SNHG17: variants seen among roughly 807,000 people sequenced by gnomAD.
The protein encoded by SNHG17 is small nucleolar RNA host gene 17, also known as small nucleolar RNA host gene 17 (non-protein coding).
intron 3 of SNHG17, chr20:38,428,068 A>G (rs1429213973): frequency 2.0e-5 from 3 of 152,354 alleles, no homozygotes; most frequent in East Asian, 1.9e-4. Flanking sequence ...TCCAGACTCA[A>G]CCTGCATCTT....
intron 5 of SNHG17, among the ~76,000 whole-genome samples, chr20:38,424,643 C>A (rs768088882): frequency 1.3e-5 from 2 of 152,216 alleles, no homozygotes; most frequent in Admixed American, 6.5e-5. Flanking sequence ...AAGCTCACAG[C>A]ACAGTGGGCA....
At chr20:38,432,891 C>T (rs1006274032) in intron 2 of SNHG17, among the ~76,000 whole-genome samples, 3 of 152,090 alleles carry the variant, frequency 2.0e-5, no homozygotes, top group African/African-American at 2.4e-5. Context: ...CTCAAGCGAT[C>T]CACCCACCTC....
intron 3 of SNHG17, chr20:38,429,227 T>C (rs1282008000): frequency 1.3e-5 from 2 of 155,704 alleles, no homozygotes; most frequent in African/African-American, 4.8e-5. Flanking sequence ...TGCACCGCCA[T>C]GCCTGGCTAA....
chr20:38,429,462 G>A (rs765080796), intron 3 of SNHG17: 1 of 249,310 alleles, frequency 4.0e-6, no homozygotes, highest in Non-Finnish European at 7.8e-6. Context: ...GAGGTGTGGA[G>A]GCAGAGAAAG....
chr20:38,422,364 C>G (rs1306201058), intron 5 of SNHG17: 2 of 152,264 alleles, frequency 1.3e-5, no homozygotes, highest in African/African-American at 4.8e-5. Flanking sequence ...ACACAGCAGA[C>G]CCATCTGAAA....
intron 2 of SNHG17, chr20:38,431,183 G>A (rs1163494365): frequency 6.6e-6 from 1 of 152,208 alleles, no homozygotes; most frequent in Non-Finnish European, 1.5e-5. Context: ...AGGAAACCAC[G>A]ATATTCACCC....
At chr20:38,431,679 A>G (rs1292272148) in intron 2 of SNHG17, among the ~76,000 whole-genome samples, 1 of 152,226 alleles carries the variant, frequency 6.6e-6, no homozygotes, top group African/African-American at 2.4e-5. Flanking sequence ...TGAAGATCAC[A>G]AAAAGAACCA....
At chr20:38,428,142 T>A (rs1224059548) in intron 3 of SNHG17, 1 of 152,208 alleles carries the variant, frequency 6.6e-6, no homozygotes, top group East Asian at 1.9e-4. Flanking sequence ...AACCATTGAT[T>A]ACAACTGGAA....
chr20:38,433,915 C>T (rs771720091), intron 2 of SNHG17: 3 of 519,200 alleles, frequency 5.8e-6, no homozygotes, highest in South Asian at 1.4e-5. Context: ...CCTCCAAACA[C>T]GGGGAAGCAC....
intron 5 of SNHG17, chr20:38,425,279 G>T (rs2084227594): frequency 1.9e-6 from 1 of 519,044 alleles, no homozygotes; most frequent in Non-Finnish European, 3.8e-6. Flanking sequence ...TCCTCTCCCT[G>T]CACTATCAAT....
chr20:38,432,971 CTGTTTTT>C (rs934112078), intron 2 of SNHG17, among the ~76,000 whole-genome samples: 41 of 151,372 alleles, frequency 2.7e-4, no homozygotes, highest in Admixed American at 1.1e-3. Flanking sequence ...TTTCCAGCTC[CTGTTTTT>C]TGTTTTTTGT....
chr20:38,433,725 C>T (rs2084376815), intron 2 of SNHG17: 1 of 460,988 alleles, frequency 2.2e-6, no homozygotes, highest in South Asian at 1.6e-5. Context: ...GTGGTTTCAC[C>T]ACCAATCCTG....
intron 3 of SNHG17, chr20:38,429,544 C>A: frequency 3.1e-6 from 1 of 318,040 alleles, no homozygotes; most frequent in Non-Finnish European, 6.1e-6. Flanking sequence ...TGAGGCCAAA[C>A]CCATCACCCC....
At chr20:38,426,995 TACACACACACACAC>T (rs765781057) in intron 3 of SNHG17, among the ~76,000 whole-genome samples, 9 of 125,580 alleles carry the variant, frequency 7.2e-5, no homozygotes, top group East Asian at 2.6e-4. Flanking sequence ...AAGTTACACA[TACACACACACACAC>T]ACACACACAC....
chr20:38,427,206 A>C (rs1021137186), intron 3 of SNHG17: 2 of 353,216 alleles, frequency 5.7e-6, no homozygotes, highest in African/African-American at 4.3e-5. Context: ...AAGAGAGGTC[A>C]AGCTGAGAAA....
chr20:38,431,643 T>G (rs537378292), intron 2 of SNHG17, among the ~76,000 whole-genome samples: 1 of 152,310 alleles, frequency 6.6e-6, no homozygotes, highest in South Asian at 2.1e-4. Context: ...CACCTCAGCG[T>G]ACTCCTGTTT....
At chr20:38,426,995 T>TATACAC (rs1323738521) in intron 3 of SNHG17, among the ~76,000 whole-genome samples, 49 of 125,646 alleles carry the variant, frequency 3.9e-4, no homozygotes, top group African/African-American at 1.4e-3. Flanking sequence ...AAGTTACACA[T>TATACAC]ACACACACAC....
chr20:38,423,092 CA>C (rs760496901), intron 5 of SNHG17, among the ~76,000 whole-genome samples: 146 of 136,490 alleles, frequency 1.1e-3, no homozygotes, highest in Admixed American at 1.6e-3. Context: ...AACTCCATCT[CA>C]AAAAAAAAAA....
Position 38,434,795 on chromosome 20 carries a change from C to T in SNHG17, n.186-169G>A, listed in dbSNP as rs1045970059. ...CTTTTAAAAGTTATTGAGGGGAAAA[C>T]GAGTTAACGGTCTCAAGGACGTGGC... On this transcript the variant is annotated intron_variant and non_coding_transcript_variant, in intron 1 of 8. Transcript: ENST00000654008. 7 of 954,332 alleles carry T rather than the reference C, an allele frequency of 7.3e-6. No individual in the cohort carries two copies. The African/African-American group carries it at 1.2e-4, about 17-fold the overall frequency. 59.1% of individuals were successfully genotyped at this position (954,332 alleles called of 1,614,324 possible).
Sources: allele counts gnomAD v4.1 joint callset (sites outside exome capture counted in the v4.1 genomes callset), GRCh38; gene constraint gnomAD v4.1.1; transcripts MANE v1.5; gene names NCBI Gene and HGNC (gene_info 2026-07-23, HGNC 2026-07-21).